Variants in ANKRD6 observed in about 807,000 individuals in gnomAD.
ANKRD6 encodes the protein ankyrin repeat domain-containing protein 6.
A neutral mutation model predicts 82.3 loss-of-function variants in ANKRD6; 56 were observed. The observed-to-expected ratio is 0.68, with a 90% CI of 0.55 to 0.85. The LOEUF (loss-of-function observed/expected upper bound fraction) is 0.85. Ranked by LOEUF, ANKRD6 falls within the 40% of genes least tolerant of loss-of-function variation. The pLI is 0.00. For synonymous variants in ANKRD6, 347 were observed against 352.1 expected (o/e 0.99, Z 0.16); for missense variants, 852 against 907.6 (o/e 0.94, Z 0.79).
chr6:89,467,603 G>A (rs773423018), intron 1 of ANKRD6, among the ~76,000 whole-genome samples: 2 of 152,214 alleles, frequency 1.3e-5, no homozygotes, highest in Non-Finnish European at 2.9e-5. Context: ...AAGGCCCACA[G>A]ATTTTGTGGT....
intron 2 of ANKRD6, among the ~76,000 whole-genome samples, chr6:89,587,248 C>G (rs565825934): frequency 4.0e-5 from 6 of 150,664 alleles, no homozygotes; most frequent in African/African-American, 1.5e-4. Context: ...CCCAACACTT[C>G]GGGAGGCCGA....
At chr6:89,598,048 A>C in intron 3 of ANKRD6, 4 of 942,944 alleles carry the variant, frequency 4.2e-6, no homozygotes, top group Non-Finnish European at 5.1e-6. Flanking sequence ...GAAACAGAGA[A>C]TGTTAATGAT....
chr6:89,606,514 AG>A (rs915810508), intron 5 of ANKRD6, among the ~76,000 whole-genome samples: 23 of 152,276 alleles, frequency 1.5e-4, no homozygotes, highest in African/African-American at 5.1e-4. Flanking sequence ...TGATACGAAT[AG>A]CCACCTTTGG....
chr6:89,616,642 G>T lies in ANKRD6; in HGVS notation c.699G>T (p.Thr233=). The change falls in exon 8 of 16, where the codon ACG becomes ACT. Residue 233 remains threonine (T), a synonymous_variant. Transcript: ENST00000339746. ...AKILLEAGAD[T]TIVNNAGQTP... is the part of the protein sequence containing the mutation. Reference sequence around the variant, plus strand: ...TCTTACTGGAAGCCGGAGCAGATACGACCATTGTTAACAATGTAAGTTGAG... The same window carrying T: ...TCTTACTGGAAGCCGGAGCAGATACTACCATTGTTAACAATGTAAGTTGAG... 1 of 1,613,978 alleles carries T rather than the reference G, an allele frequency of 6.2e-7. No individual in the cohort carries two copies. The highest frequency in any genetic ancestry group is 1.1e-5 in the South Asian group (1 of 91,068).
intron 7 of ANKRD6, among the ~76,000 whole-genome samples, chr6:89,616,213 C>G (rs1370205901): frequency 6.6e-6 from 1 of 152,230 alleles, no homozygotes; most frequent in East Asian, 1.9e-4. Flanking sequence ...AGTGGAATGA[C>G]TAGCCTGCCT....
At chr6:89,440,037 G>A (rs1771170349) in intron 1 of ANKRD6, among the ~76,000 whole-genome samples, 1 of 152,240 alleles carries the variant, frequency 6.6e-6, no homozygotes, top group Admixed American at 6.5e-5. Flanking sequence ...GTTTCATGGT[G>A]CTCATATTGG....
At chr6:89,463,019 C>T (rs1158625154) in intron 1 of ANKRD6, among the ~76,000 whole-genome samples, 2 of 151,886 alleles carry the variant, frequency 1.3e-5, no homozygotes, top group Non-Finnish European at 2.9e-5. Flanking sequence ...CCACCATGCC[C>T]AGCTAATTTT....
chr6:89,547,405 C>G (rs1785239618), intron 1 of ANKRD6, among the ~76,000 whole-genome samples: 1 of 152,186 alleles, frequency 6.6e-6, no homozygotes, highest in African/African-American at 2.4e-5. Flanking sequence ...GATGTTGATG[C>G]TCTTGCCCAT....
intron 6 of ANKRD6, among the ~76,000 whole-genome samples, chr6:89,612,987 A>G (rs1272001511): frequency 6.6e-6 from 1 of 152,240 alleles, no homozygotes; most frequent in African/African-American, 2.4e-5. Context: ...GGGTAGACTC[A>G]TCTAATGCTC....
chr6:89,448,264 A>G (rs565424392), intron 1 of ANKRD6, among the ~76,000 whole-genome samples: 2 of 151,914 alleles, frequency 1.3e-5, no homozygotes, highest in South Asian at 4.2e-4. Flanking sequence ...GTGAAACCCC[A>G]TCTCTACAAA....
chr6:89,565,942 C>A (rs1788426609), intron 1 of ANKRD6, among the ~76,000 whole-genome samples: 1 of 152,176 alleles, frequency 6.6e-6, no homozygotes, highest in African/African-American at 2.4e-5. Flanking sequence ...TTACCAGTGG[C>A]TTTGGTTGGG....
chr6:89,624,167 C>T, intron 12 of ANKRD6, 110 bp downstream of exon 12: 1 of 1,283,238 alleles, frequency 7.8e-7, no homozygotes, highest in Non-Finnish European at 1.1e-6. Flanking sequence ...CTTAGTTGAG[C>T]ACAAGCTTTG....
chr6:89,442,555 C>T (rs1771530306), intron 1 of ANKRD6, among the ~76,000 whole-genome samples: 2 of 146,954 alleles, frequency 1.4e-5, no homozygotes, highest in South Asian at 2.1e-4. Context: ...CCTGGGAGGT[C>T]GAGACTCCAG....
intron 1 of ANKRD6, among the ~76,000 whole-genome samples, chr6:89,477,770 C>CA (rs772097321): frequency 0.024 from 1,244 of 51,170 alleles, 11 homozygotes; most frequent in Middle Eastern, 0.043. Context: ...GACTCCGTCT[C>CA]AAAAAAAAAA....
chr6:89,491,872 T>C (rs1188760307), intron 1 of ANKRD6, among the ~76,000 whole-genome samples: 1 of 152,124 alleles, frequency 6.6e-6, no homozygotes, highest in Admixed American at 6.5e-5. Context: ...AGATGAAGGG[T>C]CACAGAGAAG....
intron 1 of ANKRD6, among the ~76,000 whole-genome samples, chr6:89,467,505 C>G (rs1423444883): frequency 6.6e-5 from 10 of 152,148 alleles, no homozygotes; most frequent in South Asian, 2.1e-4. Flanking sequence ...TAGACACTAT[C>G]TTAGTATTTT....
chr6:89,494,963 G>A (rs1284309012), intron 1 of ANKRD6, among the ~76,000 whole-genome samples: 1 of 152,174 alleles, frequency 6.6e-6, no homozygotes, highest in Non-Finnish European at 1.5e-5. Context: ...GGCCGGGCAC[G>A]GTGGCTCACG....
intron 3 of ANKRD6, 104 bp from the exon 4 acceptor site, chr6:89,602,925 G>T: frequency 2.1e-6 from 2 of 934,150 alleles, no homozygotes; most frequent in Non-Finnish European, 3.3e-6. Flanking sequence ...GCTCTGCTCT[G>T]TGTGGGGACG....
intron 1 of ANKRD6, among the ~76,000 whole-genome samples, chr6:89,555,008 C>T (rs954212983): frequency 4.6e-5 from 7 of 151,020 alleles, no homozygotes; most frequent in African/African-American, 7.3e-5. Context: ...TCTCCCTCTC[C>T]GCCTCTCTCT....
Sources: allele counts gnomAD v4.1 joint callset (sites outside exome capture counted in the v4.1 genomes callset), GRCh38; gene constraint gnomAD v4.1.1; transcripts MANE v1.5; gene names NCBI Gene and HGNC (gene_info 2026-07-23, HGNC 2026-07-21).